The following FHIP1A variants were observed in gnomAD, a reference collection of about 807,000 sequenced individuals.
FHIP1A encodes the protein FHF complex subunit HOOK-interacting protein 1A.
FHIP1A carries 61 observed loss-of-function variants against 88.6 expected under a neutral mutation model. The ratio of observed to expected loss-of-function variants is 0.69; its 90% CI spans 0.56 to 0.85. The LOEUF (loss-of-function observed/expected upper bound fraction) is 0.85. Ranked by LOEUF, FHIP1A falls within the 40% of genes least tolerant of loss-of-function variation. The probability of loss-of-function intolerance (pLI) is 0.00; values close to 1 mark genes in which losing one functional copy is unlikely to be tolerated. For synonymous variants in FHIP1A, 478 were observed against 496.0 expected, an observed-to-expected ratio of 0.96 and a Z score of 0.48; for missense variants, 1,154 against 1,273.5, an observed-to-expected ratio of 0.91 and a Z score of 1.43.
intron 11 of FHIP1A, among the ~76,000 whole-genome samples, chr4:151,652,153 T>C (rs1413729006): frequency 6.6e-6 from 1 of 152,012 alleles, no homozygotes; most frequent in Non-Finnish European, 1.5e-5. Flanking sequence ...AAAGAAAGTA[T>C]AGCTCAGGGC....
chr4:151,633,818 C>G (rs1025255699), intron 8 of FHIP1A, among the ~76,000 whole-genome samples: 6 of 151,868 alleles, frequency 4.0e-5, no homozygotes, highest in African/African-American at 1.2e-4. Flanking sequence ...ATATTAAAGG[C>G]CTTATATGAA....
intron 3 of FHIP1A, among the ~76,000 whole-genome samples, chr4:151,561,473 G>C (rs1733170471): frequency 6.6e-6 from 1 of 151,938 alleles, no homozygotes; most frequent in African/African-American, 2.4e-5. Context: ...AGGATTTTAT[G>C]AGGCTCTAAG....
rs1278441634 is a variant in FHIP1A at position 151,664,949 on chromosome 4, T to C, written c.*2195T>C. Reference sequence around the variant, plus strand: ...ATTGATTTTGTGCCTCTTACTGTTTTTTTCAATAGGTACTGAAATAAACTT... The same window carrying C: ...ATTGATTTTGTGCCTCTTACTGTTTCTTTCAATAGGTACTGAAATAAACTT... On this transcript the variant is annotated 3_prime_UTR_variant, in exon 14 of 14. Coordinates refer to ENST00000435205, the MANE Select transcript of FHIP1A (RefSeq NM_001109977.3). Among the ~76,000 whole-genome samples the C allele has an allele frequency of 2.0e-5, 3 of 152,218 alleles. No individual in the cohort carries two copies. The East Asian group carries it at 5.8e-4, about 29-fold the overall frequency.
intron 3 of FHIP1A, among the ~76,000 whole-genome samples, chr4:151,510,105 A>T (rs1432703271): frequency 6.8e-6 from 1 of 146,736 alleles, no homozygotes; most frequent in African/African-American, 2.5e-5. Context: ...CCCTGCCAGC[A>T]TTTTTTTTTT....
intron 1 of FHIP1A, among the ~76,000 whole-genome samples, chr4:151,410,957 G>C (rs1433331123): frequency 6.6e-6 from 1 of 152,176 alleles, no homozygotes; most frequent in Admixed American, 6.5e-5. Flanking sequence ...GTGTAGGGTG[G>C]CTGGAAAGGG....
chr4:151,609,013 G>C (rs1027253590), intron 7 of FHIP1A, among the ~76,000 whole-genome samples: 5 of 152,192 alleles, frequency 3.3e-5, no homozygotes, highest in African/African-American at 9.7e-5. Context: ...TGTTCAGGAT[G>C]CTGGCCAAGT....
At chr4:151,453,842 C>T (rs1728878790) in intron 1 of FHIP1A, among the ~76,000 whole-genome samples, 1 of 152,012 alleles carries the variant, frequency 6.6e-6, no homozygotes, top group African/African-American at 2.4e-5. Context: ...GCACTTTAGC[C>T]AGGGCAACAA....
intron 8 of FHIP1A, among the ~76,000 whole-genome samples, chr4:151,633,928 AG>A (rs1457626661): frequency 6.6e-6 from 1 of 151,944 alleles, no homozygotes; most frequent in Non-Finnish European, 1.5e-5. Flanking sequence ...TCCTAGCCAG[AG>A]CAATTAGGCA....
intron 9 of FHIP1A, among the ~76,000 whole-genome samples, chr4:151,639,395 G>A (rs978908936): frequency 6.6e-6 from 1 of 152,210 alleles, no homozygotes; most frequent in African/African-American, 2.4e-5. Flanking sequence ...TCATTTGGCA[G>A]TTTAATAGGG....
intron 1 of FHIP1A, among the ~76,000 whole-genome samples, chr4:151,415,943 TG>T (rs1055273062): frequency 7.0e-6 from 1 of 142,192 alleles, no homozygotes; most frequent in African/African-American, 2.8e-5. Context: ...TGGAGCATAG[TG>T]TTTTTTTTTT....
chr4:151,576,981 A>G (rs1733814024), intron 4 of FHIP1A: 1 of 153,668 alleles, frequency 6.5e-6, no homozygotes, highest in African/African-American at 2.4e-5. Flanking sequence ...CAATCTAGAA[A>G]AAAATTTAAG....
In FHIP1A at chr4:151,649,452, T is replaced by C. The variant is rs1736916673; in HGVS notation, c.1418-7T>C. 1 of 1,538,360 alleles carries C rather than the reference T, an allele frequency of 6.5e-7. No homozygotes were observed. ...CTTGTTCTAACCAGCCTCTGCCTCCTGTGCAGGGCCTGTGGAGCGGCCATT... is the reference window on the plus strand; with the variant it reads ...CTTGTTCTAACCAGCCTCTGCCTCCCGTGCAGGGCCTGTGGAGCGGCCATT... On this transcript the variant is annotated splice_region_variant and splice_polypyrimidine_tract_variant and intron_variant, in intron 10 of 13. Coordinates refer to ENST00000435205, the MANE Select transcript of FHIP1A (RefSeq NM_001109977.3).
At chr4:151,654,861 C>T (rs1167791279) in intron 11 of FHIP1A, among the ~76,000 whole-genome samples, 2 of 152,172 alleles carry the variant, frequency 1.3e-5, no homozygotes, top group Non-Finnish European at 2.9e-5. Flanking sequence ...CCTCCCGTCC[C>T]AAGGATGGGG....
chr4:151,431,095 A>G, intron 1 of FHIP1A, among the ~76,000 whole-genome samples: 1 of 152,222 alleles, frequency 6.6e-6, no homozygotes, highest in South Asian at 2.1e-4. Flanking sequence ...GATCTTTTAA[A>G]GACTGCTTCT....
intron 1 of FHIP1A, among the ~76,000 whole-genome samples, chr4:151,451,075 G>A (rs1194456194): frequency 6.6e-6 from 1 of 151,964 alleles, no homozygotes; most frequent in African/African-American, 2.4e-5. Flanking sequence ...ACTGCGCCTG[G>A]CCAATCTTCA....
intron 3 of FHIP1A, among the ~76,000 whole-genome samples, chr4:151,565,323 CT>C (rs1332361867): frequency 1.3e-5 from 2 of 152,122 alleles, no homozygotes; most frequent in Non-Finnish European, 2.9e-5. Context: ...ACCTCAATTT[CT>C]TTTTTCCCCT....
chr4:151,566,048 A>G, intron 3 of FHIP1A, 90 bp from the exon 4 acceptor site: 1 of 374,534 alleles, frequency 2.7e-6, no homozygotes, highest in East Asian at 5.2e-5. Context: ...GACTTTGAGA[A>G]TGTCTAAGCT....
chr4:151,502,139 G>C (rs1346361399), intron 3 of FHIP1A, among the ~76,000 whole-genome samples: 2 of 130,084 alleles, frequency 1.5e-5, no homozygotes, highest in Non-Finnish European at 3.2e-5. Flanking sequence ...AACATAGGGA[G>C]AATCTGTCTC....
intron 2 of FHIP1A, among the ~76,000 whole-genome samples, chr4:151,476,161 A>ATTTTT (rs564671344): frequency 5.4e-5 from 6 of 111,506 alleles, no homozygotes; most frequent in Admixed American, 1.0e-4. Context: ...TGCTCGGCCG[A>ATTTTT]TTTTTTTTTT....
Sources: allele counts gnomAD v4.1 joint callset (sites outside exome capture counted in the v4.1 genomes callset), GRCh38; gene constraint gnomAD v4.1.1; transcripts MANE v1.5; gene names NCBI Gene and HGNC (gene_info 2026-07-23, HGNC 2026-07-21).